Variants in OR2A42 observed in about 807,000 individuals in gnomAD.
The protein encoded by OR2A42 is olfactory receptor 2A1/2A42.
For missense variants in OR2A42, 3 were observed against 104.1 expected, an observed-to-expected ratio of 0.03 and a Z score of 4.23; for synonymous variants, 5 against 46.4, an observed-to-expected ratio of 0.11 and a Z score of 3.63.
At chr7:144,237,884 T>A (rs1300067317) in intron 2 of OR2A42, among the ~76,000 whole-genome samples, 1 of 147,936 alleles carries the variant, frequency 6.8e-6, no homozygotes, top group Non-Finnish European at 1.5e-5. Flanking sequence ...TTATATGACC[T>A]TGAGCACATA....
intron 2 of OR2A42, among the ~76,000 whole-genome samples, chr7:144,237,753 A>G (rs1461852082): frequency 1.3e-5 from 2 of 150,042 alleles, no homozygotes; most frequent in African/African-American, 2.5e-5. Context: ...AAAGCAAAAC[A>G]TTAATGAACT....
rs552331220 is a variant in OR2A42, at chr7:144,229,850, G to C, written c.*2061C>G. On this transcript the variant is annotated 3_prime_UTR_variant, in exon 3 of 3. Coordinates refer to ENST00000641810, the MANE Select transcript of OR2A42 (RefSeq NM_001001802.3). ...GGCTGGAATGCAGTGGTGCGATCAT[G>C]GCTCACTGCAGCCTCAAAATCCCTG... 1 of 151,658 alleles carries C rather than the reference G, an allele frequency of 6.6e-6. No homozygotes were observed. The highest frequency in any genetic ancestry group is 2.4e-5 in the African/African-American group (1 of 41,506). 9.4% of individuals were successfully genotyped at this position (151,658 alleles called of 1,614,324 possible).
rs1224887474 is a variant in OR2A42 at position 144,229,369 on chromosome 7, A to G, written c.*2542T>C. Reference sequence around the variant, plus strand: ...GGACTTCTCTGCAAAAAACACAGCTAGCAAATGGTACATCTGGAACTAGAA... The same window carrying G: ...GGACTTCTCTGCAAAAAACACAGCTGGCAAATGGTACATCTGGAACTAGAA... On this transcript the variant is annotated 3_prime_UTR_variant, in exon 3 of 3. Coordinates refer to ENST00000641810, the MANE Select transcript of OR2A42 (RefSeq NM_001001802.3). 8.1e-6 allele frequency: 1 copy of G among 124,218 alleles called. No individual in the cohort carries two copies. Among genetic ancestry groups the G allele is most frequent in the Non-Finnish European group, 1.8e-5 (1 of 56,882 alleles). 7.7% of individuals were successfully genotyped at this position (124,218 alleles called of 1,614,324 possible).
chr7:144,231,480 GA>G lies in OR2A42; in HGVS notation c.*430del, dbSNP rs1485257733. On this transcript the variant is annotated 3_prime_UTR_variant, in exon 3 of 3. Transcript: ENST00000641810. Reference sequence around the variant, plus strand: ...TGCTTATAAGAAAGGAAGTACAATTGAGGGGAAACATCCAAATGAGGATGAA... The same window carrying G: ...TGCTTATAAGAAAGGAAGTACAATTGGGGGAAACATCCAAATGAGGATGAA... The G allele has an allele frequency of 4.0e-5, 1 of 24,936 alleles. No individual in the cohort carries two copies. The highest frequency in any genetic ancestry group is 7.3e-5 in the Non-Finnish European group (1 of 13,672). 1.5% of individuals were successfully genotyped at this position (24,936 alleles called of 1,614,324 possible). A position where few individuals can be genotyped will look rare whatever the true frequency, so the allele number is the denominator to read the frequency against.
chr7:144,238,370 C>CA (rs2052458425), intron 2 of OR2A42, 62 bp downstream of exon 2: 1 of 144,860 alleles, frequency 6.9e-6, no homozygotes, highest in Non-Finnish European at 1.5e-5. Context: ...AACTTTCCCT[C>CA]AAACTATCCC....
At chr7:144,233,209 G>GA (rs1334903767) in intron 2 of OR2A42, among the ~76,000 whole-genome samples, 2 of 145,264 alleles carry the variant, frequency 1.4e-5, no homozygotes, top group African/African-American at 2.5e-5. Flanking sequence ...AGTAGTCCTA[G>GA]AAAAAAAGAT....
At position 144,228,246 on chromosome 7, in the gene OR2A42, C is replaced by G. The variant is rs2052326255; in HGVS notation, c.*3665G>C. ...ACAACCACTCATTTGTTCATTTAGTCAAAGTTTATTGAGTGTCTACTATGA... is the reference window on the plus strand; with the variant it reads ...ACAACCACTCATTTGTTCATTTAGTGAAAGTTTATTGAGTGTCTACTATGA... On this transcript the variant is annotated 3_prime_UTR_variant, in exon 3 of 3. Coordinates refer to ENST00000641810, the MANE Select transcript of OR2A42 (RefSeq NM_001001802.3). 1 of 136,956 alleles carries G rather than the reference C, an allele frequency of 7.3e-6. No homozygotes were observed. The allele number at this position is 136,956 out of a possible 1,614,324, so 8.5% of individuals were successfully genotyped here. A position where few individuals can be genotyped will look rare whatever the true frequency, so the allele number is the denominator to read the frequency against.
intron 2 of OR2A42, among the ~76,000 whole-genome samples, chr7:144,237,561 C>T (rs1183512162): frequency 7.6e-6 from 1 of 132,094 alleles, no homozygotes. Flanking sequence ...AACAAACAAA[C>T]AAACAACAAC....
rs1236254983 is a variant in OR2A42 at position 144,229,110 on chromosome 7, G to A, written c.*2801C>T. 1 of 147,848 alleles carries A rather than the reference G, an allele frequency of 6.8e-6. No homozygotes were observed. Among genetic ancestry groups the A allele is most frequent in the Non-Finnish European group, 1.5e-5 (1 of 66,628 alleles). The allele number at this position is 147,848 out of a possible 1,614,324, so 9.2% of individuals were successfully genotyped here. ...CACCAATGCTCTTCCTGTTTAAAGA[G>A]CAATTTTGGTTCCAGATCAGAAAGT... On this transcript the variant is annotated 3_prime_UTR_variant, in exon 3 of 3. Coordinates refer to ENST00000641810, the MANE Select transcript of OR2A42 (RefSeq NM_001001802.3).
intron 2 of OR2A42, among the ~76,000 whole-genome samples, chr7:144,234,835 C>G (rs1290708375): frequency 9.2e-6 from 1 of 108,740 alleles, no homozygotes; most frequent in Non-Finnish European, 1.8e-5. Flanking sequence ...TTTCAGGATT[C>G]TATTAAAAAA....
At chr7:144,238,020 T>C (rs1345475694) in intron 2 of OR2A42, among the ~76,000 whole-genome samples, 2 of 135,690 alleles carry the variant, frequency 1.5e-5, no homozygotes, top group Non-Finnish European at 3.2e-5. Flanking sequence ...ATTTCTGGTA[T>C]GCAGTGAACA....
chr7:144,235,697 C>G (rs541268292), intron 2 of OR2A42, among the ~76,000 whole-genome samples: 4 of 152,140 alleles, frequency 2.6e-5, no homozygotes, highest in Admixed American at 2.0e-4. Context: ...CCCATAGTTT[C>G]TTTCATTCTA....
rs2052329168 is a variant in OR2A42 at position 144,228,534 on chromosome 7, T to C, written c.*3377A>G. 1 of 121,618 alleles carries C rather than the reference T, an allele frequency of 8.2e-6. No individual in the cohort carries two copies. Among genetic ancestry groups the C allele is most frequent in the Non-Finnish European group, 1.8e-5 (1 of 55,762 alleles). The allele number at this position is 121,618 out of a possible 1,614,324, so 7.5% of individuals were successfully genotyped here. ...ATTTTATGCAGTGCCAACCACATAG[T>C]AAGTGCTCAATAATTATCAGCTACA... On this transcript the variant is annotated 3_prime_UTR_variant, in exon 3 of 3. Transcript: ENST00000641810.
In OR2A42 at chr7:144,230,140, TG is replaced by T; in HGVS notation, c.*1770del. ...CACCAGTATAAAAAAAGCTGTTTTT[TG>T]TTTGTTTGTTTGTTTGTTTGTTTGT... On this transcript the variant is annotated 3_prime_UTR_variant, in exon 3 of 3. Coordinates refer to ENST00000641810, the MANE Select transcript of OR2A42 (RefSeq NM_001001802.3). 1 of 81,058 alleles carries T rather than the reference TG, an allele frequency of 1.2e-5. No homozygotes were observed. The highest frequency in any genetic ancestry group is 4.2e-5 in the African/African-American group (1 of 23,936). The allele number at this position is 81,058 out of a possible 1,614,324, so 5.0% of individuals were successfully genotyped here. A position where few individuals can be genotyped will look rare whatever the true frequency, so the allele number is the denominator to read the frequency against.
chr7:144,234,811 G>T (rs1410340235), intron 2 of OR2A42, among the ~76,000 whole-genome samples: 1 of 107,544 alleles, frequency 9.3e-6, no homozygotes, highest in East Asian at 2.2e-4. Flanking sequence ...CATGGCCAAG[G>T]GTTATATTTT....
chr7:144,237,804 A>G (rs866096482), intron 2 of OR2A42, among the ~76,000 whole-genome samples: 41 of 149,712 alleles, frequency 2.7e-4, no homozygotes, highest in African/African-American at 1.0e-3. Context: ...GGCAGAGTAA[A>G]CACTGAAAGA....
intron 2 of OR2A42, among the ~76,000 whole-genome samples, chr7:144,235,026 T>C (rs1297372364): frequency 2.0e-5 from 3 of 146,890 alleles, no homozygotes; most frequent in Non-Finnish European, 3.0e-5. Flanking sequence ...TACGGCTCAC[T>C]GTAGTTTTGA....
In OR2A42 at chr7:144,235,244, G is replaced by A. The variant is rs1331608841; in HGVS notation, c.-4-2397C>T. Among the ~76,000 whole-genome samples, 7 of 147,954 alleles carry A rather than the reference G, an allele frequency of 4.7e-5. No homozygotes were observed. In the South Asian group the frequency reaches 8.7e-4, roughly 18 times the overall value. On this transcript the variant is annotated intron_variant, in intron 2 of 2. Transcript: ENST00000641810. Reference sequence around the variant, plus strand: ...AGTGCTGGGATTGTAGGCATGAACCGTGTACCCAGTCTACATCTTATAAAA... The same window carrying A: ...AGTGCTGGGATTGTAGGCATGAACCATGTACCCAGTCTACATCTTATAAAA...
At chr7:144,235,322 T>G (rs1370187017) in intron 2 of OR2A42, among the ~76,000 whole-genome samples, 1 of 151,006 alleles carries the variant, frequency 6.6e-6, no homozygotes, top group Non-Finnish European at 1.5e-5. Context: ...ACTCCCCAAA[T>G]GATTATACAA....
Sources: gnomAD v4.1 joint callset for allele counts (sites outside exome capture counted in the v4.1 genomes callset) on GRCh38, gnomAD v4.1.1 for gene constraint, MANE v1.5 for transcripts, NCBI Gene and HGNC (gene_info 2026-07-23, HGNC 2026-07-21) for gene names.